BACH2: variants seen among roughly 807,000 people sequenced by gnomAD.
BACH2 encodes transcription regulator protein BACH2.
Under a neutral mutation model 61.8 loss-of-function variants are expected in BACH2, and 5 were observed. That is an observed-to-expected ratio of 0.08 (90% CI 0.04 to 0.17). BACH2 has a LOEUF of 0.17. BACH2 is among the 10% of genes least tolerant of loss of function. The pLI is 1.00. For synonymous variants in BACH2, 446 were observed against 440.1 expected, an observed-to-expected ratio of 1.01 and a Z score of -0.17; for missense variants, 824 against 1,091.1, an observed-to-expected ratio of 0.76 and a Z score of 3.45.
intron 1 of BACH2, among the ~76,000 whole-genome samples, chr6:90,272,837 C>T (rs146195062): frequency 7.9e-5 from 12 of 152,174 alleles, no homozygotes; most frequent in East Asian, 1.9e-4. Flanking sequence ...AATTGGCCAG[C>T]GTGCTGCTGC....
chr6:89,975,574 C>T (rs1201263926), intron 6 of BACH2, among the ~76,000 whole-genome samples: 1 of 152,170 alleles, frequency 6.6e-6, no homozygotes, highest in East Asian at 1.9e-4. Flanking sequence ...CTTCCTTCTT[C>T]CTCTGCCTGG....
At chr6:89,969,050 C>CAT (rs770654702) in intron 6 of BACH2, among the ~76,000 whole-genome samples, 2 of 113,964 alleles carry the variant, frequency 1.8e-5, no homozygotes, top group Non-Finnish European at 3.6e-5. Context: ...AAAATGTAGT[C>CAT]TTTTTTTTTT....
chr6:90,237,451 T>A lies in BACH2; in HGVS notation c.-275+15062A>T, dbSNP rs1340109280. 2.0e-5 allele frequency among the ~76,000 whole-genome samples: 3 copies of A among 152,340 alleles called. No individual in the cohort carries two copies. In the East Asian group the frequency reaches 5.8e-4, roughly 29 times the overall value. ...CCTCAGTATCTATTTCCTGCCACTT[T>A]ACTTTACAAAATGTTTCCCTTTGAA... is the stretch of plus-strand genomic sequence containing the variant. On this transcript the variant is annotated intron_variant, in intron 3 of 8. Transcript: ENST00000257749.
chr6:90,222,972 A>G (rs1769785658), intron 3 of BACH2, among the ~76,000 whole-genome samples: 1 of 152,218 alleles, frequency 6.6e-6, no homozygotes, highest in Non-Finnish European at 1.5e-5. Context: ...AAAACAGCCA[A>G]TCGGAATTAG....
chr6:90,138,818 G>A (rs1400573024), intron 4 of BACH2, among the ~76,000 whole-genome samples: 1 of 152,162 alleles, frequency 6.6e-6, no homozygotes, highest in Admixed American at 6.5e-5. Flanking sequence ...ACAATGAGCT[G>A]GGGCATAGTA....
intron 3 of BACH2, among the ~76,000 whole-genome samples, chr6:90,217,556 TC>T (rs1459308126): frequency 6.6e-6 from 1 of 152,186 alleles, no homozygotes; most frequent in Non-Finnish European, 1.5e-5. Flanking sequence ...TTTCAAATAT[TC>T]CCTCTCATCC....
intron 1 of BACH2, among the ~76,000 whole-genome samples, chr6:90,292,179 C>T (rs1344248834): frequency 1.3e-5 from 2 of 152,114 alleles, no homozygotes; most frequent in Non-Finnish European, 2.9e-5. Context: ...AGAAAACATG[C>T]ACTATATTCA....
At chr6:90,262,910 GA>G (rs1434847332) in intron 2 of BACH2, among the ~76,000 whole-genome samples, 1 of 152,136 alleles carries the variant, frequency 6.6e-6, no homozygotes, top group African/African-American at 2.4e-5. Context: ...CTGATCTAAG[GA>G]AAAGCATGGC....
chr6:89,950,815 C>T lies in BACH2; in HGVS notation c.1291G>A (p.Val431Met), dbSNP rs777694816. ...KQEGELDRRS[V>M]IFSSSACDQV... Reference sequence around the variant, plus strand: ...TCACAAGCGCTGGAGGAGAAGATCACGCTCCTCCGGTCCAGCTCTCCCTCC... The same window carrying T: ...TCACAAGCGCTGGAGGAGAAGATCATGCTCCTCCGGTCCAGCTCTCCCTCC... The change falls in exon 7 of 9, where the codon GTG (valine) becomes ATG (methionine). Residue 431 changes from valine to methionine, a missense_variant. This residue lies in a region of BACH2 where 9 missense variants were observed against 27.6 expected (regional missense o/e 0.33). Coordinates refer to ENST00000257749, the MANE Select transcript of BACH2 (RefSeq NM_021813.4). The surrounding 1 kb of genome is among the most constrained non-coding windows in gnomAD (Gnocchi z 5.3). The T allele has an allele frequency of 2.5e-6, 4 of 1,614,026 alleles. No individual in the cohort carries two copies. Among genetic ancestry groups the T allele is most frequent in the Admixed American group, 1.7e-5 (1 of 60,008 alleles).
chr6:90,218,460 CT>C (rs1419673198), intron 3 of BACH2, among the ~76,000 whole-genome samples: 1 of 151,928 alleles, frequency 6.6e-6, no homozygotes, highest in Admixed American at 6.6e-5. Context: ...ATTCCCCTGG[CT>C]TCCCCTCTTT....
At chr6:90,100,742 C>CACACACAGACACACACACACACAT (rs1782592527) in intron 4 of BACH2, among the ~76,000 whole-genome samples, 2 of 151,718 alleles carry the variant, frequency 1.3e-5, no homozygotes, top group African/African-American at 4.8e-5. Context: ...CACACACACA[C>CACACACAGACACACACACACACAT]ACACACACCC....
At chr6:90,084,525 A>C (rs977359680) in intron 5 of BACH2, among the ~76,000 whole-genome samples, 3 of 145,342 alleles carry the variant, frequency 2.1e-5, no homozygotes, top group Non-Finnish European at 4.5e-5. Context: ...CTCTACAAAA[A>C]TCTTTAATTC....
At chr6:90,140,088 G>T (rs1182350116) in intron 4 of BACH2, among the ~76,000 whole-genome samples, 1 of 152,108 alleles carries the variant, frequency 6.6e-6, no homozygotes, top group Non-Finnish European at 1.5e-5. Flanking sequence ...AATGATGCTG[G>T]TGCTCCAGCC....
chr6:90,103,029 A>ATTTTTTTTTTT (rs371386234), intron 4 of BACH2, among the ~76,000 whole-genome samples: 19 of 21,164 alleles, frequency 9.0e-4, no homozygotes, highest in Admixed American at 1.8e-3. Flanking sequence ...ATATATATAT[A>ATTTTTTTTTTT]TTTTTTTTTT....
rs1440398819 is a variant in BACH2, at chr6:90,012,027, G to A, written c.-12-3171C>T. Among the ~76,000 whole-genome samples, 3 of 150,432 alleles carry A rather than the reference G, an allele frequency of 2.0e-5. No individual in the cohort carries two copies. The Admixed American group carries it at 2.0e-4, about 10-fold the overall frequency. On this transcript the variant is annotated intron_variant, in intron 5 of 8. Coordinates refer to ENST00000257749, the MANE Select transcript of BACH2 (RefSeq NM_021813.4). The stretch of plus-strand genomic sequence containing the variant: ...CCCAGGCTAGTCTCAAACTCCTGGC[G>A]TCAAGTGATCCTCCTACCTCAGCCT...
intron 2 of BACH2, among the ~76,000 whole-genome samples, chr6:90,263,122 G>A (rs983686421): frequency 5.3e-5 from 8 of 152,310 alleles, no homozygotes; most frequent in Admixed American, 3.9e-4. Context: ...AAAATGTGTA[G>A]TTTCAAACTC....
intron 5 of BACH2, among the ~76,000 whole-genome samples, chr6:90,020,717 C>T (rs1265470847): frequency 6.6e-6 from 1 of 152,052 alleles, no homozygotes; most frequent in African/African-American, 2.4e-5. Flanking sequence ...AAACTGAATT[C>T]TGCTTCTCCT....
chr6:89,962,407 GT>G (rs1774797565), intron 6 of BACH2, among the ~76,000 whole-genome samples: 1 of 152,106 alleles, frequency 6.6e-6, no homozygotes, highest in Admixed American at 6.5e-5. Context: ...GCAGCTGTTG[GT>G]TCCCTCATCT....
intron 5 of BACH2, among the ~76,000 whole-genome samples, chr6:90,029,679 A>G (rs1778848893): frequency 6.6e-6 from 1 of 152,222 alleles, no homozygotes; most frequent in Non-Finnish European, 1.5e-5. Context: ...GTGACTAAAA[A>G]AGACTTTTCC....
Sources: allele counts gnomAD v4.1 joint callset (sites outside exome capture counted in the v4.1 genomes callset), GRCh38; gene constraint gnomAD v4.1.1; regional missense constraint gnomAD v4.1.1; non-coding constraint Gnocchi (gnomAD v3.1); transcripts MANE v1.5; gene names NCBI Gene and HGNC (gene_info 2026-07-23, HGNC 2026-07-21).